AFF3: variants seen among roughly 807,000 people sequenced by gnomAD.
The protein encoded by AFF3 is AF4/FMR2 family member 3.
A neutral mutation model predicts 129.7 loss-of-function variants in AFF3; 32 were observed. The ratio of observed to expected loss-of-function variants is 0.25; its 90% CI spans 0.19 to 0.33. AFF3 has a LOEUF of 0.33. Ranked by LOEUF, AFF3 falls within the 10% of genes least tolerant of loss-of-function variation. The pLI is 1.00. For missense variants in AFF3, 1,373 were observed against 1,592.0 expected (o/e 0.86, Z 2.34); for synonymous variants, 644 against 635.4 (o/e 1.01, Z -0.20).
rs193052030 is a variant in AFF3 at position 99,708,511 on chromosome 2, A to G, written c.1091+18566T>C. 3.3e-5 allele frequency among the ~76,000 whole-genome samples: 5 copies of G among 152,322 alleles called. 1 individual carries two copies. The highest frequency in any genetic ancestry group is 3.3e-4 in the Admixed American group (5 of 15,300). On this transcript the variant is annotated intron_variant, in intron 11 of 24. Transcript: ENST00000672756. ...AGGCAACATGGGACCTTGGCGCAGT[A>G]ACAGAACAATGCAAATGCTCCAGTT...
chr2:99,567,481 T>G (rs1451158878), intron 19 of AFF3, among the ~76,000 whole-genome samples: 2 of 151,976 alleles, frequency 1.3e-5, no homozygotes, highest in African/African-American at 4.8e-5. Flanking sequence ...CCCAACAAAA[T>G]ACAAAATGAG....
chr2:99,766,547 C>A (rs1374640968), intron 8 of AFF3, among the ~76,000 whole-genome samples: 47 of 152,168 alleles, frequency 3.1e-4, no homozygotes, highest in Admixed American at 3.0e-3. Flanking sequence ...ACCATCTTTT[C>A]TTTTTCTTTT....
At chr2:99,705,680 C>T (rs1007532365) in intron 11 of AFF3, among the ~76,000 whole-genome samples, 4 of 151,814 alleles carry the variant, frequency 2.6e-5, no homozygotes, top group Admixed American at 6.6e-5. Context: ...TTGAGATCAG[C>T]CTGGCCAACA....
rs1684634976 is a variant in AFF3, at chr2:99,784,418, G to C, written c.922-32117C>G. Reference sequence around the variant, plus strand: ...ATAGAGCACGGTAGTCTCGCAAAGGGAATGTGCTGCACAGCACAGAAAGGA... The same window carrying C: ...ATAGAGCACGGTAGTCTCGCAAAGGCAATGTGCTGCACAGCACAGAAAGGA... On this transcript the variant is annotated intron_variant, in intron 8 of 24. Transcript: ENST00000672756. 2.6e-5 allele frequency among the ~76,000 whole-genome samples: 4 copies of C among 152,322 alleles called. No homozygotes were observed. In the South Asian group the frequency reaches 8.3e-4, roughly 32 times the overall value.
intron 13 of AFF3, among the ~76,000 whole-genome samples, chr2:99,606,254 C>T (rs780654739): frequency 2.6e-5 from 4 of 151,734 alleles, no homozygotes; most frequent in Non-Finnish European, 4.4e-5. Context: ...GACAGCAAGG[C>T]CCTGTAAAAA....
At chr2:99,782,065 G>A (rs905573252) in intron 8 of AFF3, among the ~76,000 whole-genome samples, 3 of 152,128 alleles carry the variant, frequency 2.0e-5, no homozygotes, top group Non-Finnish European at 2.9e-5. Flanking sequence ...AAAAACGATC[G>A]CTTCAGAAAC....
chr2:100,088,732 T>C (rs1294696101), intron 4 of AFF3, among the ~76,000 whole-genome samples: 1 of 151,432 alleles, frequency 6.6e-6, no homozygotes, highest in African/African-American at 2.4e-5. Flanking sequence ...TCAAAGTACT[T>C]TACAGCAGTT....
intron 9 of AFF3, among the ~76,000 whole-genome samples, chr2:99,747,748 T>A (rs1287805178): frequency 6.6e-6 from 1 of 152,104 alleles, no homozygotes; most frequent in Non-Finnish European, 1.5e-5. Flanking sequence ...TCTGTGGAAG[T>A]CTTCTGTAGG....
chr2:99,826,349 C>T (rs966526170), intron 8 of AFF3, among the ~76,000 whole-genome samples: 9 of 152,130 alleles, frequency 5.9e-5, no homozygotes, highest in Non-Finnish European at 7.4e-5. Context: ...AACTAAGTGC[C>T]GGTCATCGTG....
chr2:100,083,412 C>T (rs868016224), intron 4 of AFF3, among the ~76,000 whole-genome samples: 24 of 152,308 alleles, frequency 1.6e-4, no homozygotes, highest in East Asian at 1.4e-3. Context: ...GGACAGGTCA[C>T]CGCAAGCCCC....
chr2:99,954,423 C>T (rs1306914641), intron 7 of AFF3, among the ~76,000 whole-genome samples: 1 of 151,866 alleles, frequency 6.6e-6, no homozygotes, highest in Non-Finnish European at 1.5e-5. Flanking sequence ...GGGTATATAC[C>T]CAAAGGACTA....
intron 11 of AFF3, among the ~76,000 whole-genome samples, chr2:99,678,920 T>A (rs1674269542): frequency 6.6e-6 from 1 of 152,230 alleles, no homozygotes; most frequent in African/African-American, 2.4e-5. Flanking sequence ...CATCTGCCTG[T>A]GGTTATTTTC....
At chr2:99,840,037 A>G (rs149307105) in intron 7 of AFF3, among the ~76,000 whole-genome samples, 2 of 152,292 alleles carry the variant, frequency 1.3e-5, no homozygotes, top group Non-Finnish European at 2.9e-5. Flanking sequence ...GTTTTATTAT[A>G]GGAGTGCTTT....
At chr2:99,753,403 C>A (rs1248537869) in intron 8 of AFF3, among the ~76,000 whole-genome samples, 1 of 152,094 alleles carries the variant, frequency 6.6e-6, no homozygotes, top group African/African-American at 2.4e-5. Flanking sequence ...CCTGGCCGAA[C>A]CCTATTTCTT....
At chr2:100,107,281 G>A in intron 2 of AFF3, 1 of 985,240 alleles carries the variant, frequency 1.0e-6, no homozygotes, top group Non-Finnish European at 1.2e-6. Context: ...GCCTTTATGG[G>A]AGATCTTTAT....
intron 4 of AFF3, among the ~76,000 whole-genome samples, chr2:100,033,947 T>C (rs922115811): frequency 2.6e-5 from 4 of 152,200 alleles, no homozygotes; most frequent in Admixed American, 6.5e-5. Context: ...AGTACATAAA[T>C]CATGCAGGCT....
intron 4 of AFF3, among the ~76,000 whole-genome samples, chr2:100,065,680 T>G (rs534569623): frequency 2.0e-5 from 3 of 152,348 alleles, no homozygotes; most frequent in Non-Finnish European, 4.4e-5. Context: ...CCTTCCATTT[T>G]TCTTTTGCTG....
At chr2:99,570,075 GC>G (rs1340450981) in intron 18 of AFF3, among the ~76,000 whole-genome samples, 2 of 152,100 alleles carry the variant, frequency 1.3e-5, no homozygotes, top group South Asian at 4.2e-4. Context: ...CCATCCCCAT[GC>G]CCCCCTCTGA....
chr2:100,108,942 A>G (rs1260050525), intron 2 of AFF3, among the ~76,000 whole-genome samples: 1 of 132,102 alleles, frequency 7.6e-6, no homozygotes, highest in Non-Finnish European at 1.6e-5. Context: ...TTTTAACAAA[A>G]CCAGGTTTTT....
Sources: gnomAD v4.1 joint callset for allele counts (sites outside exome capture counted in the v4.1 genomes callset) on GRCh38, gnomAD v4.1.1 for gene constraint, MANE v1.5 for transcripts, NCBI Gene and HGNC (gene_info 2026-07-23, HGNC 2026-07-21) for gene names.